Variants in CALHM4 observed in about 807,000 individuals in gnomAD.
CALHM4 encodes the protein calcium homeostasis modulator family member 4.
Under a neutral mutation model 13.3 loss-of-function variants are expected in CALHM4, and 16 were observed. The ratio of observed to expected loss-of-function variants is 1.20; its 90% CI spans 0.81 to 1.82. CALHM4 has a LOEUF of 1.82. CALHM4 is among the 40% of genes most tolerant of loss of function. The pLI, the probability that CALHM4 is intolerant of heterozygous loss-of-function variation, is 0.00. For synonymous variants in CALHM4, 127 were observed against 137.1 expected, an observed-to-expected ratio of 0.93 and a Z score of 0.52; for missense variants, 344 against 374.9, an observed-to-expected ratio of 0.92 and a Z score of 0.68.
chr6:116,550,942 A>G (rs1350529161), upstream of CALHM4, among the ~76,000 whole-genome samples: 2 of 152,132 alleles, frequency 1.3e-5, no homozygotes, highest in Non-Finnish European at 2.9e-5. Context: ...TCTAATTCTC[A>G]TACACCAAGC....
intron 1 of CALHM4, among the ~76,000 whole-genome samples, chr6:116,554,809 A>G (rs564945075): frequency 2.9e-4 from 44 of 152,312 alleles, no homozygotes; most frequent in African/African-American, 1.0e-3. Flanking sequence ...CTAAAATTAT[A>G]AGAAGCTTAA....
Position 116,557,840 on chromosome 6 carries a change from T to C in CALHM4, c.574T>C (p.Leu192=), listed in dbSNP as rs1328627217. 6.2e-7 allele frequency: 1 copy of C among 1,611,764 alleles called. No homozygotes were observed. The highest frequency in any genetic ancestry group is 8.5e-7 in the Non-Finnish European group (1 of 1,178,212). The change falls in exon 2 of 2, where the codon TTG becomes CTG. Residue 192 remains leucine, a synonymous_variant. Transcript: ENST00000368596. ...RYQSQMLGWI[L]ITLATIAALV... ...TGATGTGAAGATGCTGGGTTGGATTTTGATCACCTTGGCAACCATTGCTGC... is the reference window on the plus strand; with the variant it reads ...TGATGTGAAGATGCTGGGTTGGATTCTGATCACCTTGGCAACCATTGCTGC...
In CALHM4 at chr6:116,561,054, G is replaced by A. The variant is rs1774568912; in HGVS notation, c.*2843G>A. Among the ~76,000 whole-genome samples, 1 of 152,116 alleles carries A rather than the reference G, an allele frequency of 6.6e-6. No individual in the cohort carries two copies. On this transcript the variant is annotated 3_prime_UTR_variant, in exon 2 of 2. Coordinates refer to ENST00000368596, the MANE Select transcript of CALHM4 (RefSeq NM_001366078.2). ...GTCCTTCTCTGTGTCTCTTTTCTCTGTTCTCAGTCTTCCATTCATTTTTTG... is the reference window on the plus strand; with the variant it reads ...GTCCTTCTCTGTGTCTCTTTTCTCTATTCTCAGTCTTCCATTCATTTTTTG...
At chr6:116,533,675 C>T (rs535157231) in intron 1 of CALHM4, among the ~76,000 whole-genome samples, 2 of 152,302 alleles carry the variant, frequency 1.3e-5, no homozygotes, top group South Asian at 2.1e-4. Context: ...CTACTTGTAA[C>T]GCTAGAGCTC....
upstream of CALHM4, among the ~76,000 whole-genome samples, chr6:116,550,341 A>G (rs945229379): frequency 3.3e-5 from 5 of 152,116 alleles, no homozygotes; most frequent in African/African-American, 1.2e-4. Context: ...AACAGTGGTT[A>G]AAAGCATGTG....
At chr6:116,531,649 T>G (rs1772732961) in intron 1 of CALHM4, among the ~76,000 whole-genome samples, 1 of 152,134 alleles carries the variant, frequency 6.6e-6, no homozygotes, top group African/African-American at 2.4e-5. Flanking sequence ...CCTAACACAA[T>G]TTGGCTCCAT....
At chr6:116,543,889 T>C in intron 2 of CALHM4, 1 of 1,521,828 alleles carries the variant, frequency 6.6e-7, no homozygotes, top group South Asian at 1.2e-5. Flanking sequence ...TTCTTTTCTT[T>C]TTACTTAGAG....
At chr6:116,533,678 T>C (rs1485240003) in intron 1 of CALHM4, among the ~76,000 whole-genome samples, 2 of 152,216 alleles carry the variant, frequency 1.3e-5, no homozygotes, top group African/African-American at 4.8e-5. Context: ...CTTGTAACGC[T>C]AGAGCTCCAT....
intron 2 of CALHM4, chr6:116,545,597 G>C (rs767118116): frequency 4.5e-6 from 6 of 1,325,266 alleles, no homozygotes; most frequent in Non-Finnish European, 6.2e-6. Flanking sequence ...ATGTCTTTTT[G>C]TTTTGTTTTT....
At chr6:116,537,838 T>A (rs1282872059) in intron 1 of CALHM4, among the ~76,000 whole-genome samples, 1 of 152,212 alleles carries the variant, frequency 6.6e-6, no homozygotes, top group African/African-American at 2.4e-5. Context: ...CTAATTTTTA[T>A]TGAGTAAATA....
chr6:116,538,613 TA>T (rs1773237861), intron 1 of CALHM4, among the ~76,000 whole-genome samples: 1 of 152,220 alleles, frequency 6.6e-6, no homozygotes, highest in East Asian at 1.9e-4. Flanking sequence ...GTTCAAAGCC[TA>T]ATAAACAACC....
chr6:116,557,272 T>C (rs1486864727), intron 1 of CALHM4, among the ~76,000 whole-genome samples: 1 of 152,060 alleles, frequency 6.6e-6, no homozygotes, highest in Non-Finnish European at 1.5e-5. Context: ...GAAACATGAG[T>C]CTCTTCACTG....
In CALHM4 at chr6:116,560,528, A is replaced by G. The variant is rs1411064585; in HGVS notation, c.*2317A>G. On this transcript the variant is annotated 3_prime_UTR_variant, in exon 2 of 2. Transcript: ENST00000368596. The stretch of plus-strand genomic sequence containing the variant: ...ATTCTAAGTATTCGTTGGCTCTTCT[A>G]CATGGCTTCAGAATGATTTATAGCA... Among the ~76,000 whole-genome samples the G allele has an allele frequency of 2.6e-5, 4 of 152,226 alleles. No homozygotes were observed. In the East Asian group the frequency reaches 7.7e-4, roughly 29 times the overall value.
intron 2 of CALHM4, among the ~76,000 whole-genome samples, chr6:116,547,638 A>G (rs938108619): frequency 6.6e-6 from 1 of 152,188 alleles, no homozygotes; most frequent in African/African-American, 2.4e-5. Context: ...TGTGTTCCCC[A>G]GACTCCTTTT....
intron 1 of CALHM4, chr6:116,540,448 C>G (rs1052778537): frequency 6.4e-7 from 1 of 1,551,200 alleles, no homozygotes; most frequent in African/African-American, 1.4e-5. Flanking sequence ...AAGCCGCGTT[C>G]CAATGCCGTA....
chr6:116,556,581 T>C (rs894300120), intron 1 of CALHM4, among the ~76,000 whole-genome samples: 1 of 152,220 alleles, frequency 6.6e-6, no homozygotes, highest in African/African-American at 2.4e-5. Context: ...TTCAGGCCTG[T>C]TGGTAAATCA....
intron 1 of CALHM4, among the ~76,000 whole-genome samples, chr6:116,539,704 G>C (rs908730622): frequency 2.6e-5 from 4 of 152,084 alleles, no homozygotes; most frequent in African/African-American, 7.2e-5. Context: ...AAAAAAATGA[G>C]ACTGACTTAA....
chr6:116,540,376 T>A (rs1319045310), intron 1 of CALHM4: 1 of 1,551,060 alleles, frequency 6.4e-7, no homozygotes, highest in Admixed American at 2.0e-5. Context: ...GGCAATTATG[T>A]CTATAATTTC....
At chr6:116,546,185 A>G (rs1300392635) in intron 2 of CALHM4, among the ~76,000 whole-genome samples, 1 of 152,218 alleles carries the variant, frequency 6.6e-6, no homozygotes, top group African/African-American at 2.4e-5. Context: ...ATTTTCTTAC[A>G]AAACTGTTGT....
Sources: allele counts gnomAD v4.1 joint callset (sites outside exome capture counted in the v4.1 genomes callset), GRCh38; gene constraint gnomAD v4.1.1; transcripts MANE v1.5; gene names NCBI Gene and HGNC (gene_info 2026-07-23, HGNC 2026-07-21).